Variants in ATP2B1 observed in about 807,000 individuals in gnomAD.
ATP2B1 encodes the protein ATPase plasma membrane Ca2+ transporting 1.
In ATP2B1, 14 loss-of-function variants were observed where a neutral mutation model predicts 124.2. The ratio of observed to expected loss-of-function variants is 0.11; its 90% CI spans 0.07 to 0.18. The LOEUF (loss-of-function observed/expected upper bound fraction) is 0.18, where lower values mean the gene tolerates loss of function less well. ATP2B1 is among the 10% of genes least tolerant of loss of function. The pLI is 1.00. For synonymous variants in ATP2B1, 449 were observed against 492.4 expected (o/e 0.91, Z 1.17); for missense variants, 763 against 1,466.1 (o/e 0.52, Z 7.83).
chr12:89,622,858 AT>A (rs1314132191), intron 9 of ATP2B1, among the ~76,000 whole-genome samples: 1 of 152,180 alleles, frequency 6.6e-6, no homozygotes, highest in Admixed American at 6.5e-5. Context: ...TTAATTTTCT[AT>A]TCAAAAAGCA....
chr12:89,698,825 C>T (rs532559115), intron 1 of ATP2B1, among the ~76,000 whole-genome samples: 9 of 152,238 alleles, frequency 5.9e-5, no homozygotes, highest in African/African-American at 1.9e-4. Flanking sequence ...CACTTCTATT[C>T]TGGCCAGAAT....
At chr12:89,624,467 A>C in intron 8 of ATP2B1, 70 bp from the exon 9 acceptor site, 5 of 1,247,886 alleles carry the variant, frequency 4.0e-6, no homozygotes, top group Non-Finnish European at 5.6e-6. Context: ...CCAGATATAA[A>C]TTAAACACTG....
chr12:89,598,967 A>AT, intron 20 of ATP2B1, 150 bp downstream of exon 20: 1 of 1,040,752 alleles, frequency 9.6e-7, no homozygotes, highest in Non-Finnish European at 1.4e-6. Context: ...AGTCTCACTC[A>AT]TTCCAGGCAC....
intron 1 of ATP2B1, among the ~76,000 whole-genome samples, chr12:89,670,947 T>C (rs769877678): frequency 4.6e-5 from 3 of 65,620 alleles, no homozygotes; most frequent in East Asian, 4.6e-4. Flanking sequence ...TCAGGCCTTA[T>C]ACATTAAAAA....
chr12:89,615,977 A>C (rs1157286928), intron 12 of ATP2B1, among the ~76,000 whole-genome samples: 2 of 152,204 alleles, frequency 1.3e-5, no homozygotes, highest in African/African-American at 4.8e-5. Context: ...ACATGGCTTA[A>C]GTATATGGCA....
chr12:89,705,482 A>T (rs1160729389), intron 1 of ATP2B1, among the ~76,000 whole-genome samples: 1 of 152,130 alleles, frequency 6.6e-6, no homozygotes, highest in Non-Finnish European at 1.5e-5. Flanking sequence ...TCATGTGTAA[A>T]ATGTAAGGGA....
intron 20 of ATP2B1, chr12:89,593,754 C>G (rs1874041122): frequency 6.6e-6 from 1 of 151,890 alleles, no homozygotes; most frequent in Admixed American, 6.6e-5. Context: ...AGCAAAACTT[C>G]AATTCTGAGA....
At position 89,662,141 on chromosome 12, in the gene ATP2B1, T is replaced by C. The variant is rs1054231168; in HGVS notation, c.-221-6034A>G. On this transcript the variant is annotated intron_variant, in intron 1 of 20. Coordinates refer to ENST00000428670, the MANE Select transcript of ATP2B1 (RefSeq NM_001366521.1). ...GAGAGACTATGATCTTTCTTTCTTT[T>C]TTTTTTTTTTTAACACGAGACTGGA... Among the ~76,000 whole-genome samples the C allele has an allele frequency of 4.0e-5, 6 of 151,636 alleles. No individual in the cohort carries two copies. The East Asian group carries it at 9.7e-4, about 24-fold the overall frequency.
At chr12:89,591,547 G>A (rs889892057) in intron 20 of ATP2B1, among the ~76,000 whole-genome samples, 4 of 151,890 alleles carry the variant, frequency 2.6e-5, no homozygotes, top group African/African-American at 7.3e-5. Flanking sequence ...ATTGTCATTG[G>A]CTAAAAATTT....
At chr12:89,678,845 G>A (rs1008938392) in intron 1 of ATP2B1, among the ~76,000 whole-genome samples, 4 of 152,120 alleles carry the variant, frequency 2.6e-5, no homozygotes, top group Admixed American at 2.0e-4. Flanking sequence ...CATACTAGCT[G>A]CTACTCATTG....
chr12:89,635,563 G>C (rs886432040), intron 3 of ATP2B1, among the ~76,000 whole-genome samples: 1 of 152,106 alleles, frequency 6.6e-6, no homozygotes, highest in Non-Finnish European at 1.5e-5. Context: ...TTTCTTCATC[G>C]TCAAATTATG....
At chr12:89,625,623 G>C (rs890873468) in intron 8 of ATP2B1, among the ~76,000 whole-genome samples, 2 of 136,940 alleles carry the variant, frequency 1.5e-5, no homozygotes, top group African/African-American at 5.4e-5. Flanking sequence ...AAGAAAAAAA[G>C]AAAAAAAAAG....
At chr12:89,649,037 T>A (rs1207499767) in intron 2 of ATP2B1, among the ~76,000 whole-genome samples, 1 of 152,220 alleles carries the variant, frequency 6.6e-6, no homozygotes, top group Non-Finnish European at 1.5e-5. Context: ...AAAGGAAATA[T>A]CAGAAAGGCT....
chr12:89,610,331 CA>C (rs1877762563), intron 14 of ATP2B1, 89 bp downstream of exon 14: 1 of 1,077,344 alleles, frequency 9.3e-7, no homozygotes, highest in African/African-American at 1.6e-5. Flanking sequence ...ATCCATGACT[CA>C]ATCTAATATT....
In ATP2B1 at chr12:89,655,962, A is replaced by T; in HGVS notation, c.-76T>A. On this transcript the variant is annotated 5_prime_UTR_variant, in exon 2 of 21. Coordinates refer to ENST00000428670, the MANE Select transcript of ATP2B1 (RefSeq NM_001366521.1). ...TCACTTGATGTATTTCCAAGATGAA[A>T]ATCTTTTAAGTATGAAAATCTTTCT... The T allele has an allele frequency of 7.0e-7, 1 of 1,424,170 alleles. No individual in the cohort carries two copies. Among genetic ancestry groups the T allele is most frequent in the East Asian group, 2.3e-5 (1 of 43,400 alleles). 88.2% of individuals were successfully genotyped at this position (1,424,170 alleles called of 1,614,324 possible).
At chr12:89,674,101 G>T (rs974153005) in intron 1 of ATP2B1, among the ~76,000 whole-genome samples, 1 of 152,126 alleles carries the variant, frequency 6.6e-6, no homozygotes, top group Non-Finnish European at 1.5e-5. Context: ...TATCTGCATG[G>T]TAGGTGTTGG....
At chr12:89,653,039 A>G (rs1885460561) in intron 2 of ATP2B1, among the ~76,000 whole-genome samples, 1 of 152,094 alleles carries the variant, frequency 6.6e-6, no homozygotes, top group Admixed American at 6.5e-5. Context: ...TTTCATTTGT[A>G]TTTTCAACTG....
Position 89,615,665 on chromosome 12 carries a change from T to C in ATP2B1, c.2067+1137A>G, listed in dbSNP as rs536364732. Among the ~76,000 whole-genome samples, 4 of 152,324 alleles carry C rather than the reference T, an allele frequency of 2.6e-5. No homozygotes were observed. The East Asian group carries it at 7.7e-4, about 29-fold the overall frequency. Reference sequence around the variant, plus strand: ...TATACCTAACTGCTCGCTCTCTTTCTTGGTTTAGATAATACTTCCTCCTTC... The same window carrying C: ...TATACCTAACTGCTCGCTCTCTTTCCTGGTTTAGATAATACTTCCTCCTTC... On this transcript the variant is annotated intron_variant, in intron 12 of 20. Transcript: ENST00000428670.
rs753630481 is a variant in ATP2B1, at chr12:89,591,135, G to A, written c.3512C>T (p.Ala1171Val). 2.5e-6 allele frequency: 4 copies of A among 1,613,320 alleles called. No homozygotes were observed. Among genetic ancestry groups the A allele is most frequent in the South Asian group, 1.1e-5 (1 of 91,076 alleles). The change falls in exon 21 of 21, where the codon GCT becomes GTT. Residue 1171 changes from alanine to valine, a missense_variant. This residue lies in a region of ATP2B1 where 97 missense variants were observed against 94.7 expected (regional missense o/e 1.02). Coordinates refer to ENST00000428670, the MANE Select transcript of ATP2B1 (RefSeq NM_001366521.1). The part of the protein sequence containing the change: ...LIDDTDAEDD[A>V]PTKRNSSPPP... ...AGGACTGGAGTTACGTTTTGTAGGA[G>A]CATCATCTTCGGCATCAGTGTCATC...
Sources: gnomAD v4.1 joint callset for allele counts (sites outside exome capture counted in the v4.1 genomes callset) on GRCh38, gnomAD v4.1.1 for gene constraint, gnomAD v4.1.1 regional missense constraint, MANE v1.5 for transcripts, NCBI Gene and HGNC (gene_info 2026-07-23, HGNC 2026-07-21) for gene names.